LRRTM4: variants seen among roughly 807,000 people sequenced by gnomAD.
LRRTM4 encodes leucine-rich repeat transmembrane neuronal protein 4.
Under a neutral mutation model 47.6 loss-of-function variants are expected in LRRTM4, and 25 were observed. The ratio of observed to expected loss-of-function variants is 0.53; its 90% confidence interval spans 0.38 to 0.73. The LOEUF (loss-of-function observed/expected upper bound fraction) is 0.73. Among genes scored for constraint, LRRTM4 ranks in the 30% least tolerant of loss-of-function variants. The probability of loss-of-function intolerance (pLI) is 0.00; values close to 1 mark genes in which losing one functional copy is unlikely to be tolerated. For missense variants in LRRTM4, 638 were observed against 713.4 expected (o/e 0.89, Z 1.20); for synonymous variants, 311 against 269.5 (o/e 1.15, Z -1.51).
chr2:77,006,291 A>C (rs1258471853), intron 3 of LRRTM4, among the ~76,000 whole-genome samples: 1 of 152,122 alleles, frequency 6.6e-6, no homozygotes, highest in Admixed American at 6.6e-5. Context: ...GAATTACAAT[A>C]ATTTCGAACC....
chr2:77,095,607 ATGATTCTCG>A (rs1670789825), intron 3 of LRRTM4, among the ~76,000 whole-genome samples: 3 of 151,436 alleles, frequency 2.0e-5, no homozygotes, highest in Admixed American at 2.0e-4. Flanking sequence ...CCCGGTTCAA[ATGATTCTCG>A]TGCCTCAGCC....
At chr2:77,356,189 T>C (rs1230838637) in intron 3 of LRRTM4, among the ~76,000 whole-genome samples, 1 of 152,196 alleles carries the variant, frequency 6.6e-6, no homozygotes, top group Non-Finnish European at 1.5e-5. Flanking sequence ...TTAAAGATCT[T>C]ACTCAGAACA....
chr2:77,174,512 G>C (rs539541971), intron 3 of LRRTM4, among the ~76,000 whole-genome samples: 2 of 152,064 alleles, frequency 1.3e-5, no homozygotes, highest in African/African-American at 4.8e-5. Flanking sequence ...AAGGGTAACC[G>C]GTAGTTGTTA....
At chr2:76,905,616 G>A in intron 3 of LRRTM4, among the ~76,000 whole-genome samples, 2 of 148,076 alleles carry the variant, frequency 1.4e-5, no homozygotes, top group Non-Finnish European at 3.0e-5. Flanking sequence ...TTAGACGAAT[G>A]TATAACTAGA....
intron 3 of LRRTM4, among the ~76,000 whole-genome samples, chr2:77,070,153 C>T (rs764761463): frequency 6.6e-6 from 1 of 151,862 alleles, no homozygotes; most frequent in Non-Finnish European, 1.5e-5. Flanking sequence ...AAAATATATC[C>T]GAGTTTGAAA....
At chr2:76,902,901 G>T (rs1292772473) in intron 3 of LRRTM4, among the ~76,000 whole-genome samples, 1 of 152,082 alleles carries the variant, frequency 6.6e-6, no homozygotes, top group Non-Finnish European at 1.5e-5. Flanking sequence ...CCATTTCTTG[G>T]TGTGTTTTAA....
At chr2:77,376,588 G>A (rs944709528) in intron 3 of LRRTM4, among the ~76,000 whole-genome samples, 1 of 151,516 alleles carries the variant, frequency 6.6e-6, no homozygotes, top group African/African-American at 2.4e-5. Flanking sequence ...ATGTCCCTCA[G>A]TTGATCTCAA....
At chr2:77,322,602 C>T (rs549587162) in intron 3 of LRRTM4, among the ~76,000 whole-genome samples, 40 of 151,654 alleles carry the variant, frequency 2.6e-4, no homozygotes, top group Admixed American at 4.6e-4. Context: ...GGAATGGCTT[C>T]GGGGGAAAAC....
chr2:77,221,972 C>A (rs1444906532), intron 3 of LRRTM4, among the ~76,000 whole-genome samples: 2 of 152,098 alleles, frequency 1.3e-5, no homozygotes, highest in Non-Finnish European at 2.9e-5. Flanking sequence ...CACTCCTCAG[C>A]AAATGTGAAA....
intron 3 of LRRTM4, among the ~76,000 whole-genome samples, chr2:77,001,111 T>C (rs1316276546): frequency 6.6e-6 from 1 of 152,160 alleles, no homozygotes; most frequent in Admixed American, 6.6e-5. Context: ...CCTTGTTTTC[T>C]GAAGCTTTAG....
chr2:76,845,049 T>G (rs1294544896), intron 3 of LRRTM4, among the ~76,000 whole-genome samples: 1 of 152,220 alleles, frequency 6.6e-6, no homozygotes, highest in Non-Finnish European at 1.5e-5. Context: ...CTTTATCTTA[T>G]TTCAGTTTGC....
At chr2:77,483,436 G>A (rs1677793464) in intron 3 of LRRTM4, among the ~76,000 whole-genome samples, 1 of 152,054 alleles carries the variant, frequency 6.6e-6, no homozygotes, top group African/African-American at 2.4e-5. Context: ...TGCCTCCCGG[G>A]TTCAAGCTAT....
chr2:77,050,867 A>G (rs1308813457), intron 3 of LRRTM4, among the ~76,000 whole-genome samples: 1 of 152,150 alleles, frequency 6.6e-6, no homozygotes, highest in Non-Finnish European at 1.5e-5. Flanking sequence ...AACTTCTCAG[A>G]TATTATTCAT....
At chr2:76,871,136 C>T (rs115944518) in intron 3 of LRRTM4, among the ~76,000 whole-genome samples, 2,078 of 152,062 alleles carry the variant, frequency 0.014, 44 homozygotes, top group African/African-American at 0.043. Flanking sequence ...TATTCTTTAC[C>T]GTAGAGAACA....
chr2:76,864,271 C>T (rs1309067720), intron 3 of LRRTM4, among the ~76,000 whole-genome samples: 1 of 152,104 alleles, frequency 6.6e-6, no homozygotes, highest in East Asian at 1.9e-4. Context: ...CCAAGCTATC[C>T]AAAGATGGAA....
intron 3 of LRRTM4, among the ~76,000 whole-genome samples, chr2:76,783,262 T>G (rs996808591): frequency 6.6e-6 from 1 of 152,214 alleles, no homozygotes; most frequent in Admixed American, 6.5e-5. Flanking sequence ...GTTGGTGATA[T>G]CTGGGAATCC....
At chr2:76,932,647 A>AAAATATTTTCTAAATATTTTCT (rs1320815374) in intron 3 of LRRTM4, among the ~76,000 whole-genome samples, 1 of 152,082 alleles carries the variant, frequency 6.6e-6, no homozygotes, top group African/African-American at 2.4e-5. Context: ...AGATATTTCT[A>AAAATATTTTCTAAATATTTTCT]AAATATTTTC....
intron 3 of LRRTM4, among the ~76,000 whole-genome samples, chr2:77,213,396 C>T (rs1046349673): frequency 5.3e-5 from 8 of 152,028 alleles, no homozygotes; most frequent in African/African-American, 1.9e-4. Context: ...CCCCTATGGG[C>T]CTTAGATTCC....
At chr2:77,007,494 A>C (rs1452309650) in intron 3 of LRRTM4, among the ~76,000 whole-genome samples, 1 of 152,206 alleles carries the variant, frequency 6.6e-6, no homozygotes, top group Non-Finnish European at 1.5e-5. Context: ...GTCTATACAC[A>C]GAAATAGCCA....
Sources: allele counts gnomAD v4.1 joint callset (sites outside exome capture counted in the v4.1 genomes callset), GRCh38; gene constraint gnomAD v4.1.1; transcripts MANE v1.5; gene names NCBI Gene and HGNC (gene_info 2026-07-23, HGNC 2026-07-21).